Variants in RBFOX1 observed in about 807,000 individuals in gnomAD.
The protein encoded by RBFOX1 is RNA binding protein fox-1 homolog 1.
Under a neutral mutation model 57.7 loss-of-function variants are expected in RBFOX1, and 8 were observed. The observed-to-expected ratio is 0.14, with a 90% CI of 0.08 to 0.25. The LOEUF is 0.25. RBFOX1 is among the 10% of genes least tolerant of loss of function. RBFOX1 has a pLI of 1.00. For synonymous variants in RBFOX1, 326 were observed against 222.4 expected (o/e 1.47, Z -4.15); for missense variants, 611 against 548.5 (o/e 1.11, Z -1.14).
chr16:7,612,043 C>G (rs897098202), intron 10 of RBFOX1, among the ~76,000 whole-genome samples: 1 of 152,064 alleles, frequency 6.6e-6, no homozygotes, highest in Non-Finnish European at 1.5e-5. Context: ...AATGATTTGC[C>G]GGGCGCGGTG....
At chr16:6,858,573 G>C (rs969332538) in intron 3 of RBFOX1, among the ~76,000 whole-genome samples, 1 of 152,084 alleles carries the variant, frequency 6.6e-6, no homozygotes, top group Non-Finnish European at 1.5e-5. Context: ...AATTAAAATA[G>C]CAGAGTTTTC....
intron 5 of RBFOX1, among the ~76,000 whole-genome samples, chr16:7,539,154 G>C (rs1294776049): frequency 2.6e-5 from 4 of 152,196 alleles, no homozygotes; most frequent in African/African-American, 7.2e-5. Context: ...ATATGACAAA[G>C]AATGTGAAAC....
At chr16:5,615,907 C>T (rs1253406008) in intron 3 of RBFOX1, among the ~76,000 whole-genome samples, 1 of 152,158 alleles carries the variant, frequency 6.6e-6, no homozygotes, top group African/African-American at 2.4e-5. Flanking sequence ...GTGCTTAAAA[C>T]GGGTCACAGT....
chr16:7,707,440 C>T (rs924983473), intron 14 of RBFOX1, among the ~76,000 whole-genome samples: 1 of 152,108 alleles, frequency 6.6e-6, no homozygotes, highest in East Asian at 1.9e-4. Context: ...AAATTGGGCT[C>T]TAAGGGATGA....
chr16:7,315,662 A>G (rs2096421506), intron 4 of RBFOX1, among the ~76,000 whole-genome samples: 1 of 152,066 alleles, frequency 6.6e-6, no homozygotes, highest in Non-Finnish European at 1.5e-5. Context: ...ATATATATAT[A>G]TATATGGAAC....
At chr16:5,919,572 G>T (rs1021477999) in intron 4 of RBFOX1, among the ~76,000 whole-genome samples, 2 of 152,106 alleles carry the variant, frequency 1.3e-5, no homozygotes, top group Non-Finnish European at 1.5e-5. Flanking sequence ...CCAAACTCCC[G>T]ACCCGAGGTG....
intron 3 of RBFOX1, among the ~76,000 whole-genome samples, chr16:6,933,667 C>T (rs113019467): frequency 6.6e-6 from 1 of 152,302 alleles, no homozygotes; most frequent in East Asian, 1.9e-4. Flanking sequence ...GAGTCAAGAT[C>T]GTATGACTGC....
At chr16:5,622,021 G>A (rs1423110120) in intron 3 of RBFOX1, among the ~76,000 whole-genome samples, 1 of 152,140 alleles carries the variant, frequency 6.6e-6, no homozygotes, top group Non-Finnish European at 1.5e-5. Context: ...CATGGCTATG[G>A]GGAAATGGAA....
chr16:7,118,464 C>G (rs555971741), intron 4 of RBFOX1, among the ~76,000 whole-genome samples: 3 of 152,178 alleles, frequency 2.0e-5, no homozygotes, highest in Admixed American at 6.6e-5. Flanking sequence ...TGGAAAATTA[C>G]CTATCGGGTA....
Position 6,195,198 on chromosome 16 carries a change from C to T in RBFOX1, c.-126-121797C>T, listed in dbSNP as rs546970445. ...CTTTATAAAATGCCTTCTTACCTAC[C>T]GCCTTTTTATCCCCATTATAGGTTT... On this transcript the variant is annotated intron_variant, in intron 1 of 15. Coordinates refer to ENST00000550418, the MANE Select transcript of RBFOX1 (RefSeq NM_018723.4). 9.4e-4 allele frequency among the ~76,000 whole-genome samples: 143 copies of T among 152,232 alleles called. No homozygotes were observed. The South Asian group carries it at 0.011, about 12-fold the overall frequency.
At chr16:6,237,403 G>T (rs746869407) in intron 1 of RBFOX1, among the ~76,000 whole-genome samples, 3 of 152,178 alleles carry the variant, frequency 2.0e-5, no homozygotes, top group Non-Finnish European at 4.4e-5. Context: ...TTATAGTGGG[G>T]TTCAGAGAGG....
chr16:7,654,217 G>A (rs891771083), intron 12 of RBFOX1, among the ~76,000 whole-genome samples: 1 of 152,218 alleles, frequency 6.6e-6, no homozygotes, highest in Non-Finnish European at 1.5e-5. Flanking sequence ...CTGAATGCTG[G>A]AGAACAGAGA....
chr16:6,776,221 C>T (rs1348584828), intron 3 of RBFOX1, among the ~76,000 whole-genome samples: 1 of 151,906 alleles, frequency 6.6e-6, no homozygotes, highest in East Asian at 1.9e-4. Flanking sequence ...ACCATCCTGG[C>T]TAACACGGTG....
intron 4 of RBFOX1, among the ~76,000 whole-genome samples, chr16:5,924,783 T>C (rs1329237777): frequency 1.3e-5 from 2 of 152,214 alleles, no homozygotes; most frequent in African/African-American, 4.8e-5. Flanking sequence ...ATCTTCATGA[T>C]TTTTTGTTTC....
Position 7,710,716 on chromosome 16 carries a change from G to A in RBFOX1, c.1165G>A (p.Gly389Arg). The A allele has an allele frequency of 6.2e-7, 1 of 1,607,480 alleles. No individual in the cohort carries two copies. Among genetic ancestry groups the A allele is most frequent in the Non-Finnish European group, 8.5e-7 (1 of 1,177,238 alleles). ...LSSLQASIYR[G>R]GYNRFAPY ...TTCATTGCAGGCTAGTATATACCGA[G>A]GGGGATACAACCGTTTTGCTCCATA... The change falls in exon 16 of 16, where the codon GGG becomes AGG. Residue 389 changes from glycine to arginine, a missense_variant. By Grantham distance (125) the Gly-to-Arg change is moderately radical (BLOSUM62 -2). This residue lies in a region of RBFOX1 where 267 missense variants were observed against 229.1 expected (regional missense o/e 1.17). Coordinates refer to ENST00000550418, the MANE Select transcript of RBFOX1 (RefSeq NM_018723.4).
At chr16:6,698,487 C>T (rs117355919) in intron 3 of RBFOX1, among the ~76,000 whole-genome samples, 2,379 of 152,298 alleles carry the variant, frequency 0.016, 37 homozygotes, top group Non-Finnish European at 0.023. Flanking sequence ...TCTTCCTGGG[C>T]TGGGCCCTGT....
chr16:6,806,349 G>A lies in RBFOX1; in HGVS notation c.-16+151699G>A, dbSNP rs76232201. On this transcript the variant is annotated intron_variant, in intron 3 of 15. Transcript: ENST00000550418. ...TTAATGTCATCCAAAAAACTATAGA[G>A]TTTTGAAAGATGGAATGAGAAACTG... 4.2e-3 allele frequency among the ~76,000 whole-genome samples: 645 copies of A among 152,244 alleles called. 4 individuals carry two copies. The highest frequency in any genetic ancestry group is 0.014 in the African/African-American group (577 of 41,562).
At position 6,279,171 on chromosome 16, in the gene RBFOX1, A is replaced by G. The variant is rs972406454; in HGVS notation, c.-126-37824A>G. On this transcript the variant is annotated intron_variant, in intron 1 of 15. Coordinates refer to ENST00000550418, the MANE Select transcript of RBFOX1 (RefSeq NM_018723.4). ...TTTATGGGTATTATAAAACATTTAC[A>G]TCTTGATGTATTAAGGTACTTGAGT... 5.9e-5 allele frequency among the ~76,000 whole-genome samples: 9 copies of G among 152,220 alleles called. No individual in the cohort carries two copies. In the East Asian group the frequency reaches 1.7e-3, roughly 29 times the overall value.
rs372900705 is a variant in RBFOX1 at position 5,705,927 on chromosome 16, T to C, written c.318+106966T>C. Among the ~76,000 whole-genome samples, 18 of 152,268 alleles carry C rather than the reference T, an allele frequency of 1.2e-4. No homozygotes were observed. In the East Asian group the frequency reaches 3.1e-3, roughly 26 times the overall value. On this transcript the variant is annotated intron_variant, in intron 3 of 19. Coordinates refer to the RBFOX1 transcript ENST00000641259. ...GTTGCTTTTTTTTCTGTCTTTTTTATTGAGACAGAGTCTTGCTCTGTTGCC... is the reference window on the plus strand; with the variant it reads ...GTTGCTTTTTTTTCTGTCTTTTTTACTGAGACAGAGTCTTGCTCTGTTGCC...
Sources: allele counts gnomAD v4.1 joint callset (sites outside exome capture counted in the v4.1 genomes callset), GRCh38; gene constraint gnomAD v4.1.1; regional missense constraint gnomAD v4.1.1; transcripts MANE v1.5; gene names NCBI Gene and HGNC (gene_info 2026-07-23, HGNC 2026-07-21).